JADE1: variants seen among roughly 807,000 people sequenced by gnomAD.
JADE1 encodes the protein jade family PHD finger 1, also known as protein Jade-1.
Under a neutral mutation model 81.8 loss-of-function variants are expected in JADE1, and 14 were observed. That is an observed-to-expected ratio of 0.17 (90% confidence interval 0.11 to 0.27). The LOEUF (loss-of-function observed/expected upper bound fraction) is 0.27, where lower values mean the gene tolerates loss of function less well. JADE1 is among the 10% of genes least tolerant of loss of function. JADE1 has a pLI of 1.00. For missense variants in JADE1, 690 were observed against 1,047.9 expected (o/e 0.66, Z 4.71); for synonymous variants, 353 against 391.9 (o/e 0.90, Z 1.17).
chr4:128,848,951 C>T, intron 4 of JADE1, 29 bp from the exon 5 acceptor site: 1 of 1,609,950 alleles, frequency 6.2e-7, no homozygotes, highest in Non-Finnish European at 8.5e-7. Context: ...GAAAGGGTAA[C>T]CTGGCTGCCT....
intron 10 of JADE1, among the ~76,000 whole-genome samples, chr4:128,870,059 GCT>G (rs1384330824): frequency 6.6e-6 from 1 of 152,110 alleles, no homozygotes; most frequent in African/African-American, 2.4e-5. Flanking sequence ...TGAGTTGGAG[GCT>G]CTTTAGAGAC....
chr4:128,828,153 T>TA (rs1728229577), intron 1 of JADE1, among the ~76,000 whole-genome samples: 1 of 152,222 alleles, frequency 6.6e-6, no homozygotes, highest in African/African-American at 2.4e-5. Flanking sequence ...CACCTCCTAA[T>TA]ATATGAGATA....
At chr4:128,849,791 G>A (rs1050204474) in intron 5 of JADE1, among the ~76,000 whole-genome samples, 3 of 152,096 alleles carry the variant, frequency 2.0e-5, no homozygotes, top group African/African-American at 7.2e-5. Flanking sequence ...GCATCTCATG[G>A]TGTTGAGACT....
intron 2 of JADE1, among the ~76,000 whole-genome samples, chr4:128,838,859 C>G (rs1232353649): frequency 1.3e-5 from 2 of 152,188 alleles, no homozygotes; most frequent in Non-Finnish European, 2.9e-5. Flanking sequence ...CTTTGAGTCT[C>G]TAGCCTGTGG....
chr4:128,820,940 G>T (rs1212379209), intron 1 of JADE1, among the ~76,000 whole-genome samples: 2 of 152,136 alleles, frequency 1.3e-5, no homozygotes, highest in Non-Finnish European at 2.9e-5. Context: ...TAGACATTTA[G>T]CATTTATTGG....
chr4:128,859,605 G>T (rs376250669), intron 8 of JADE1, among the ~76,000 whole-genome samples: 1 of 152,168 alleles, frequency 6.6e-6, no homozygotes, highest in South Asian at 2.1e-4. Context: ...GTATGAGTGT[G>T]TAAGTATGTG....
In JADE1 at chr4:128,871,983, A is replaced by G. The variant is rs367718085; in HGVS notation, c.2250A>G (p.Gly750=). 5.6e-6 allele frequency: 9 copies of G among 1,613,854 alleles called. No individual in the cohort carries two copies. In the African/African-American group the frequency reaches 1.2e-4, roughly 22 times the overall value. ...TPASPVKNWG[G]FRIPKKGERQ... ...CCAGCCCAGTGAAAAACTGGGGAGGATTCCGGATTCCAAAGAAGGGGGAAC... is the reference window on the plus strand; with the variant it reads ...CCAGCCCAGTGAAAAACTGGGGAGGGTTCCGGATTCCAAAGAAGGGGGAAC... The change falls in exon 11 of 11, where the codon GGA becomes GGG. Residue 750 remains glycine (G), a synonymous_variant. Coordinates refer to ENST00000226319, the MANE Select transcript of JADE1 (RefSeq NM_199320.4). The surrounding 1 kb of genome is among the most constrained non-coding windows in gnomAD (Gnocchi z 4.1).
intron 2 of JADE1, among the ~76,000 whole-genome samples, chr4:128,839,638 G>C (rs1183911545): frequency 6.6e-6 from 1 of 151,848 alleles, no homozygotes; most frequent in Non-Finnish European, 1.5e-5. Context: ...TATGTAAATG[G>C]AATAATACAA....
rs912389210 is a variant in JADE1, at chr4:128,809,982, A to G, written c.-27+105A>G. 2.9e-3 allele frequency: 455 copies of G among 159,488 alleles called. 8 individuals carry two copies. The highest frequency in any genetic ancestry group is 3.9e-3 in the Non-Finnish European group (297 of 75,216). 9.9% of individuals were successfully genotyped at this position (159,488 alleles called of 1,614,324 possible). ...TGCGCGTCCCGGTCCCGCGGCGGCG[A>G]CGGCGGCGGCGGCGGCGGCGGCTGC... is the stretch of plus-strand genomic sequence containing the variant. On this transcript the variant is annotated intron_variant, in intron 1 of 10. Transcript: ENST00000226319.
intron 2 of JADE1, among the ~76,000 whole-genome samples, chr4:128,842,195 T>A (rs1038543199): frequency 6.6e-6 from 1 of 152,218 alleles, no homozygotes; most frequent in Non-Finnish European, 1.5e-5. Context: ...GTTCCCTGTC[T>A]AGGGATTGCT....
At chr4:128,851,735 C>T (rs1191515890) in intron 5 of JADE1, among the ~76,000 whole-genome samples, 1 of 152,174 alleles carries the variant, frequency 6.6e-6, no homozygotes, top group African/African-American at 2.4e-5. Context: ...ACAGTCATGG[C>T]TCACTATAGC....
chr4:128,859,697 C>T (rs1275412436), intron 8 of JADE1, among the ~76,000 whole-genome samples: 1 of 152,204 alleles, frequency 6.6e-6, no homozygotes, highest in Non-Finnish European at 1.5e-5. Flanking sequence ...ATGCCCTTGC[C>T]TGAGTATGCC....
rs1448938224 is a variant in JADE1, at chr4:128,846,285, A to T, written c.139-90A>T. ...TATGTTGATACAGTGACCTTGTTAC[A>T]TGGCAGCTCCATGGTTACATTGCAG... On this transcript the variant is annotated intron_variant, in intron 3 of 10. Transcript: ENST00000226319. This position sits in a 1 kb window ranked among gnomAD's most constrained non-coding sequence, Gnocchi z 4.0. The T allele has an allele frequency of 1.5e-6, 2 of 1,295,182 alleles. No homozygotes were observed. The highest frequency in any genetic ancestry group is 2.2e-6 in the Non-Finnish European group (2 of 910,904). 80.2% of individuals were successfully genotyped at this position (1,295,182 alleles called of 1,614,324 possible). A position where few individuals can be genotyped will look rare whatever the true frequency, so the allele number is the denominator to read the frequency against.
intron 5 of JADE1, 151 bp downstream of exon 5, chr4:128,849,318 C>G (rs1301914585): frequency 1.5e-6 from 1 of 667,538 alleles, no homozygotes; most frequent in Non-Finnish European, 2.5e-6. Flanking sequence ...TGCCTTAGAT[C>G]TCAGCCTGTT....
Position 128,874,691 on chromosome 4 carries a change from C to G in JADE1, c.*2429C>G, listed in dbSNP as rs1255936051. 1.3e-5 allele frequency: 2 copies of G among 152,580 alleles called. No individual in the cohort carries two copies. Among genetic ancestry groups the G allele is most frequent in the East Asian group, 3.8e-4 (2 of 5,196 alleles). 9.5% of individuals were successfully genotyped at this position (152,580 alleles called of 1,614,324 possible). On this transcript the variant is annotated 3_prime_UTR_variant, in exon 11 of 11. Coordinates refer to ENST00000226319, the MANE Select transcript of JADE1 (RefSeq NM_199320.4). ...GGCCATAAGCAGCAACCAGCCCAAACACCCACTTGCGTTCTATTAGTATGG... is the reference window on the plus strand; with the variant it reads ...GGCCATAAGCAGCAACCAGCCCAAAGACCCACTTGCGTTCTATTAGTATGG...
rs139246631 is a variant in JADE1, at chr4:128,846,101, G to A, written c.139-274G>A. ...GAACTGAGAGACATTTTTCAGAGGCGGACAACAAGATTTTTTGTTGTTTTT... is the reference window on the plus strand; with the variant it reads ...GAACTGAGAGACATTTTTCAGAGGCAGACAACAAGATTTTTTGTTGTTTTT... On this transcript the variant is annotated intron_variant, in intron 3 of 10. Coordinates refer to ENST00000226319, the MANE Select transcript of JADE1 (RefSeq NM_199320.4). This position sits in a 1 kb window ranked among gnomAD's most constrained non-coding sequence, Gnocchi z 4.0. 1.5e-3 allele frequency among the ~76,000 whole-genome samples: 234 copies of A among 152,142 alleles called. 3 individuals carry two copies. Among genetic ancestry groups the A allele is most frequent in the East Asian group, 0.014 (70 of 5,154 alleles).
chr4:128,810,191 G>C (rs1261411835), intron 1 of JADE1: 3 of 152,244 alleles, frequency 2.0e-5, no homozygotes, highest in African/African-American at 7.2e-5. Flanking sequence ...GCTGAGCGCA[G>C]CGTTACTATC....
intron 9 of JADE1, chr4:128,863,742 A>C (rs1731563067): frequency 1.0e-6 from 1 of 985,288 alleles, no homozygotes; most frequent in African/African-American, 1.7e-5. Flanking sequence ...TAGAGATGAG[A>C]AAAGGATTGA....
Position 128,873,044 on chromosome 4 carries a change from T to A in JADE1, c.*782T>A, listed in dbSNP as rs1485874442. 2.3e-5 allele frequency: 9 copies of A among 391,930 alleles called. No homozygotes were observed. Among genetic ancestry groups the A allele is most frequent in the African/African-American group, 8.2e-5 (4 of 48,538 alleles). 24.3% of individuals were successfully genotyped at this position (391,930 alleles called of 1,614,324 possible). A position where few individuals can be genotyped will look rare whatever the true frequency, so the allele number is the denominator to read the frequency against. On this transcript the variant is annotated 3_prime_UTR_variant, in exon 11 of 11. Coordinates refer to ENST00000226319, the MANE Select transcript of JADE1 (RefSeq NM_199320.4). ...AGAATTTTTACCAGTCCACTTGACCTTCTTCTTCCCTAACCACTGGCTCTT... is the reference window on the plus strand; with the variant it reads ...AGAATTTTTACCAGTCCACTTGACCATCTTCTTCCCTAACCACTGGCTCTT...
Sources: allele counts gnomAD v4.1 joint callset (sites outside exome capture counted in the v4.1 genomes callset), GRCh38; gene constraint gnomAD v4.1.1; non-coding constraint Gnocchi (gnomAD v3.1); transcripts MANE v1.5; gene names NCBI Gene and HGNC (gene_info 2026-07-23, HGNC 2026-07-21).